VPS13B: variants seen among roughly 807,000 people sequenced by gnomAD.
The protein encoded by VPS13B is intermembrane lipid transfer protein VPS13B.
In VPS13B, 285 loss-of-function variants were observed where a neutral mutation model predicts 426.4. The ratio of observed to expected loss-of-function variants is 0.67; its 90% CI spans 0.61 to 0.74. The LOEUF (loss-of-function observed/expected upper bound fraction) is 0.74, where lower values mean the gene tolerates loss of function less well. Among genes scored for constraint, VPS13B ranks in the 30% least tolerant of loss-of-function variants. The pLI is 0.00. For synonymous variants in VPS13B, 1,676 were observed against 1,676.4 expected (o/e 1.00, Z 0.01); for missense variants, 4,537 against 4,782.6 (o/e 0.95, Z 1.51).
chr8:99,745,439 T>A (rs1810032285), intron 39 of VPS13B, among the ~76,000 whole-genome samples: 1 of 152,100 alleles, frequency 6.6e-6, no homozygotes, highest in Admixed American at 6.6e-5. Context: ...TACCCATAGG[T>A]GAGTACAGTA....
At chr8:99,610,213 C>G (rs1159883704) in intron 33 of VPS13B, among the ~76,000 whole-genome samples, 1 of 151,986 alleles carries the variant, frequency 6.6e-6, no homozygotes, top group Non-Finnish European at 1.5e-5. Context: ...CCAGAAATAC[C>G]ATTTGACCCA....
chr8:99,742,524 A>G (rs965954754), intron 39 of VPS13B, among the ~76,000 whole-genome samples: 2 of 152,198 alleles, frequency 1.3e-5, no homozygotes, highest in East Asian at 1.9e-4. Context: ...CACAACCAAA[A>G]GAGAGAATTT....
At position 99,290,003 on chromosome 8, in the gene VPS13B, G is replaced by A. The variant is rs1819643550; in HGVS notation, c.2824+14749G>A. 2.0e-5 allele frequency among the ~76,000 whole-genome samples: 3 copies of A among 151,994 alleles called. No homozygotes were observed. In the South Asian group the frequency reaches 6.2e-4, roughly 32 times the overall value. On this transcript the variant is annotated intron_variant, in intron 19 of 61. Coordinates refer to ENST00000357162, the MANE Select transcript of VPS13B (RefSeq NM_152564.5). ...AGTGGAGGAGGTAAGACTGACTCTT[G>A]TTGTCTGGAGTTCTTTTTATTATGT...
intron 33 of VPS13B, among the ~76,000 whole-genome samples, chr8:99,635,113 G>A (rs1045452441): frequency 1.3e-5 from 2 of 151,904 alleles, no homozygotes; most frequent in Non-Finnish European, 2.9e-5. Context: ...ACACAATGAG[G>A]TGCATAACTT....
In VPS13B at chr8:99,832,378, G is replaced by A; in HGVS notation, c.9340G>A (p.Val3114Ile). The A allele has an allele frequency of 1.6e-6, 1 of 623,080 alleles. No individual in the cohort carries two copies. Among genetic ancestry groups the A allele is most frequent in the South Asian group, 2.2e-5 (1 of 44,630 alleles). The allele number at this position is 623,080 out of a possible 1,614,324, so 38.6% of individuals were successfully genotyped here. Residue 3114 changes from valine (V) to isoleucine (I), a missense_variant, in exon 52 of 62, where the codon GTT (valine) becomes ATT (isoleucine). Val to Ile is a conservative substitution (Grantham distance 29, BLOSUM62 3). Transcript: ENST00000357162. ...TTTTTTTTTTTTTTAGTATTTTCGT[G>A]TTCCAGACAGTGCTACTTTTAGCAT... Reference protein sequence around the residue: ...NPHSGKEYFRVPDSATFSICP... With the variant: ...NPHSGKEYFRIPDSATFSICP...
chr8:99,460,934 C>G (rs930667083), intron 23 of VPS13B, among the ~76,000 whole-genome samples: 3 of 152,186 alleles, frequency 2.0e-5, no homozygotes, highest in African/African-American at 7.2e-5. Flanking sequence ...GATTCTCACT[C>G]TTCGTATCCT....
At chr8:99,717,534 T>C (rs1179936525) in intron 37 of VPS13B, among the ~76,000 whole-genome samples, 161 bp downstream of exon 37, 2 of 152,228 alleles carry the variant, frequency 1.3e-5, no homozygotes, top group African/African-American at 2.4e-5. Flanking sequence ...ATATAAGTCA[T>C]ATACCAGCAA....
chr8:99,025,457 A>G (rs1245146869), intron 2 of VPS13B, among the ~76,000 whole-genome samples: 1 of 151,994 alleles, frequency 6.6e-6, no homozygotes, highest in Non-Finnish European at 1.5e-5. Context: ...GTGCTATTAG[A>G]TTTGGTTTGC....
intron 12 of VPS13B, among the ~76,000 whole-genome samples, chr8:99,137,251 T>C (rs576305717): frequency 8.4e-5 from 9 of 107,762 alleles, no homozygotes; most frequent in Non-Finnish European, 1.9e-4. Flanking sequence ...ATTTCAACAC[T>C]TTTTTTTTTA....
At chr8:99,403,901 C>T (rs988619170) in intron 21 of VPS13B, among the ~76,000 whole-genome samples, 2 of 152,032 alleles carry the variant, frequency 1.3e-5, no homozygotes, top group South Asian at 2.1e-4. Flanking sequence ...AACTAGGGAA[C>T]GGGGGAAAAA....
At chr8:99,308,221 G>A (rs1820742822) in intron 19 of VPS13B, among the ~76,000 whole-genome samples, 1 of 150,682 alleles carries the variant, frequency 6.6e-6, no homozygotes, top group Non-Finnish European at 1.5e-5. Context: ...GGGAACATGT[G>A]CACAACGTGC....
At chr8:99,029,647 G>A (rs568789920) in intron 2 of VPS13B, among the ~76,000 whole-genome samples, 1 of 151,744 alleles carries the variant, frequency 6.6e-6, no homozygotes, top group African/African-American at 2.4e-5. Context: ...GTGGCGGCGC[G>A]CGCCTGCAAT....
chr8:99,778,981 G>T lies in VPS13B; in HGVS notation c.7729G>T (p.Gly2577Ter). Residue 2577 changes from glycine (G) to a stop codon, truncating the protein, a stop_gained, in exon 42 of 62, where the codon GGA becomes TGA. Coordinates refer to ENST00000357162, the MANE Select transcript of VPS13B (RefSeq NM_152564.5). LOFTEE classifies it high-confidence loss of function. ...VIVDSVFVNL[G>*]QHVVHSLNTA... ...AGTTGATTCTGTATTTGTAAACCTT[G>T]GACAGCATGTAGTCCATTCACTAAA... 2 of 1,613,808 alleles carry T rather than the reference G, an allele frequency of 1.2e-6. No individual in the cohort carries two copies. Among genetic ancestry groups the T allele is most frequent in the South Asian group, 2.2e-5 (2 of 91,042 alleles).
intron 35 of VPS13B, among the ~76,000 whole-genome samples, chr8:99,691,721 T>C (rs1450072521): frequency 1.4e-5 from 2 of 147,922 alleles, no homozygotes; most frequent in Non-Finnish European, 3.0e-5. Context: ...ATGGACTAAA[T>C]GCTCCAATTA....
At chr8:99,828,394 G>GTTTCTTTTTTTTTT (rs1814831585) in intron 51 of VPS13B, among the ~76,000 whole-genome samples, 1 of 17,424 alleles carries the variant, frequency 5.7e-5, no homozygotes, top group African/African-American at 2.4e-4. Context: ...TACAACCACC[G>GTTTCTTTTTTTTTT]TTTTTTTTTT....
At chr8:99,584,814 C>G (rs537880294) in intron 33 of VPS13B, among the ~76,000 whole-genome samples, 2 of 152,216 alleles carry the variant, frequency 1.3e-5, no homozygotes, top group South Asian at 4.1e-4. Context: ...GCGTCAAATA[C>G]TATTATGGAT....
At chr8:99,752,377 G>A (rs1810440431) in intron 39 of VPS13B, among the ~76,000 whole-genome samples, 2 of 152,174 alleles carry the variant, frequency 1.3e-5, no homozygotes, top group South Asian at 2.1e-4. Flanking sequence ...ACTACAGCCT[G>A]TGGGCCAAAT....
chr8:99,095,767 A>T (rs1239658255), intron 3 of VPS13B, among the ~76,000 whole-genome samples: 1 of 152,200 alleles, frequency 6.6e-6, no homozygotes, highest in Non-Finnish European at 1.5e-5. Context: ...TCTGTTACTC[A>T]TATTGAAACC....
intron 25 of VPS13B, among the ~76,000 whole-genome samples, chr8:99,499,024 G>A (rs955579313): frequency 6.6e-6 from 1 of 152,116 alleles, no homozygotes; most frequent in Non-Finnish European, 1.5e-5. Flanking sequence ...GCAGGCCAAG[G>A]ATGAAGGGAT....
Sources: gnomAD v4.1 joint callset for allele counts (sites outside exome capture counted in the v4.1 genomes callset) on GRCh38, gnomAD v4.1.1 for gene constraint, MANE v1.5 for transcripts, NCBI Gene and HGNC (gene_info 2026-07-23, HGNC 2026-07-21) for gene names.